Variants in EYS observed in about 807,000 individuals in gnomAD.
EYS encodes protein eyes shut homolog.
EYS carries 250 observed loss-of-function variants against 282.1 expected under a neutral mutation model. The ratio of observed to expected loss-of-function variants is 0.89; its 90% CI spans 0.80 to 0.98. EYS has a LOEUF of 0.98. Among genes scored for constraint, EYS ranks in the 50% least tolerant of loss-of-function variants. The pLI, the probability that EYS is intolerant of heterozygous loss-of-function variation, is 0.00. For synonymous variants in EYS, 1,355 were observed against 1,282.9 expected, an observed-to-expected ratio of 1.06 and a Z score of -1.20; for missense variants, 4,016 against 3,709.0, an observed-to-expected ratio of 1.08 and a Z score of -2.15.
At chr6:64,613,300 C>CT (rs1236530329) in intron 24 of EYS, among the ~76,000 whole-genome samples, 1 of 151,886 alleles carries the variant, frequency 6.6e-6, no homozygotes, top group Admixed American at 6.6e-5. Context: ...CAACAAAATC[C>CT]TTTTTTTAAA....
chr6:63,922,045 G>A (rs1764587167), intron 35 of EYS, among the ~76,000 whole-genome samples: 1 of 152,146 alleles, frequency 6.6e-6, no homozygotes, highest in Non-Finnish European at 1.5e-5. Flanking sequence ...CAGCCTTCGA[G>A]GAAAGGCTGT....
At chr6:64,104,765 A>T (rs1255531814) in intron 31 of EYS, among the ~76,000 whole-genome samples, 6 of 99,944 alleles carry the variant, frequency 6.0e-5, no homozygotes, top group Admixed American at 9.4e-5. Context: ...TTTTTTTTTT[A>T]AAGAAATATA....
chr6:64,437,321 A>G (rs1774784017), intron 27 of EYS, among the ~76,000 whole-genome samples: 1 of 151,672 alleles, frequency 6.6e-6, no homozygotes, highest in African/African-American at 2.4e-5. Flanking sequence ...TTAAACGAAG[A>G]TATTTAGGAA....
chr6:65,514,634 C>T (rs1176147317), intron 2 of EYS, among the ~76,000 whole-genome samples: 3 of 152,052 alleles, frequency 2.0e-5, no homozygotes, highest in Non-Finnish European at 2.9e-5. Context: ...GAAATAATGC[C>T]GCATATCTAC....
chr6:64,066,509 T>C lies in EYS; in HGVS notation c.6572-18A>G. The C allele has an allele frequency of 7.1e-7, 1 of 1,402,574 alleles. No homozygotes were observed. The highest frequency in any genetic ancestry group is 9.8e-7 in the Non-Finnish European group (1 of 1,021,460). 86.9% of individuals were successfully genotyped at this position (1,402,574 alleles called of 1,614,324 possible). A position where few individuals can be genotyped will look rare whatever the true frequency, so the allele number is the denominator to read the frequency against. ...CCCATTACCTTTAAGAAAAAAAGAA[T>C]ATATTAGTAATTATTGTAGATTTAT... On this transcript the variant is annotated intron_variant, in intron 32 of 42. Transcript: ENST00000503581.
At position 63,726,614 on chromosome 6, in the gene EYS, TGAAAG is replaced by T. The variant is rs751629543; in HGVS notation, c.8133_8137del (p.Phe2712CysfsTer33). ...TTGAATATGTGTCTTTTTTCGAACATGAAAGGAAGCAAAAGACATCCAGGATAACT... is the reference window on the plus strand; with the variant it reads ...TTGAATATGTGTCTTTTTTCGAACATGAAGCAAAAGACATCCAGGATAACT... On this transcript the variant is annotated frameshift_variant, in exon 42 of 43. Coordinates refer to ENST00000503581, the MANE Select transcript of EYS (RefSeq NM_001142800.2). LOFTEE classifies it high-confidence loss of function. 3.7e-5 allele frequency: 57 copies of T among 1,551,048 alleles called. No individual in the cohort carries two copies. The highest frequency in any genetic ancestry group is 2.6e-4 in the South Asian group (22 of 84,054).
chr6:64,010,292 A>G (rs1422525036), intron 33 of EYS, among the ~76,000 whole-genome samples: 3 of 146,856 alleles, frequency 2.0e-5, no homozygotes, highest in Admixed American at 6.9e-5. Flanking sequence ...CTGCTCTGAC[A>G]GTGGTGGTGG....
chr6:64,579,386 C>T (rs1339409864), intron 26 of EYS, among the ~76,000 whole-genome samples: 2 of 152,112 alleles, frequency 1.3e-5, no homozygotes, highest in African/African-American at 4.8e-5. Flanking sequence ...TCACTGGAAC[C>T]TGAGCCAAGA....
intron 26 of EYS, among the ~76,000 whole-genome samples, chr6:64,531,361 T>C (rs908989554): frequency 6.7e-6 from 1 of 148,564 alleles, no homozygotes; most frequent in East Asian, 2.0e-4. Context: ...TATGTATTAA[T>C]AAAATTGATG....
chr6:64,726,676 A>G (rs1315484320), intron 22 of EYS, among the ~76,000 whole-genome samples: 1 of 152,190 alleles, frequency 6.6e-6, no homozygotes, highest in Non-Finnish European at 1.5e-5. Context: ...ATTCAATTCT[A>G]TAACCCTATT....
At chr6:65,561,001 C>T (rs1222150634) in intron 2 of EYS, among the ~76,000 whole-genome samples, 1 of 151,942 alleles carries the variant, frequency 6.6e-6, no homozygotes, top group Admixed American at 6.6e-5. Context: ...TTGATTGTTG[C>T]TACCTTGGAT....
chr6:64,313,571 C>T (rs988741405), intron 29 of EYS, among the ~76,000 whole-genome samples: 1 of 152,044 alleles, frequency 6.6e-6, no homozygotes, highest in African/African-American at 2.4e-5. Context: ...AAACCCAAGA[C>T]ACATAATTGT....
intron 1 of EYS, among the ~76,000 whole-genome samples, chr6:65,682,448 TAA>T (rs1418140595): frequency 6.6e-5 from 10 of 152,050 alleles, no homozygotes; most frequent in South Asian, 2.1e-4. Context: ...ATTTTATATA[TAA>T]GAGTTAATAC....
intron 35 of EYS, among the ~76,000 whole-genome samples, chr6:63,944,244 G>T (rs1037729774): frequency 6.6e-6 from 1 of 152,076 alleles, no homozygotes; most frequent in Admixed American, 6.5e-5. Flanking sequence ...AAAATATAAG[G>T]CAGTGCATCT....
intron 2 of EYS, among the ~76,000 whole-genome samples, chr6:65,562,424 T>C (rs1036255315): frequency 1.3e-5 from 2 of 151,958 alleles, no homozygotes; most frequent in African/African-American, 4.8e-5. Flanking sequence ...TATCCAAAAT[T>C]TGTAGTTAAC....
chr6:65,604,746 A>ATTGT (rs1209749141), intron 2 of EYS, among the ~76,000 whole-genome samples: 1 of 151,542 alleles, frequency 6.6e-6, no homozygotes, highest in East Asian at 2.0e-4. Context: ...GGAAATATGG[A>ATTGT]TTGTTTGTGC....
chr6:64,338,273 C>T (rs569933970), intron 29 of EYS, among the ~76,000 whole-genome samples: 4 of 152,056 alleles, frequency 2.6e-5, no homozygotes, highest in African/African-American at 9.6e-5. Flanking sequence ...ATGAAGAATT[C>T]AGCAAAGTTT....
intron 35 of EYS, among the ~76,000 whole-genome samples, chr6:63,926,749 T>C (rs1336373203): frequency 6.6e-6 from 1 of 152,176 alleles, no homozygotes; most frequent in East Asian, 1.9e-4. Context: ...CTTCTGCTTA[T>C]AATGCTTCCA....
At chr6:64,162,800 C>T (rs1193398334) in intron 31 of EYS, among the ~76,000 whole-genome samples, 1 of 152,012 alleles carries the variant, frequency 6.6e-6, no homozygotes, top group Non-Finnish European at 1.5e-5. Context: ...TTATATATCA[C>T]AATAAAGATT....
Sources: allele counts gnomAD v4.1 joint callset (sites outside exome capture counted in the v4.1 genomes callset), GRCh38; gene constraint gnomAD v4.1.1; transcripts MANE v1.5; gene names NCBI Gene and HGNC (gene_info 2026-07-23, HGNC 2026-07-21).